The following GPC3 variants were observed in gnomAD, a reference collection of about 807,000 sequenced individuals.
GPC3 encodes the protein glypican-3.
GPC3 carries 3 observed loss-of-function variants against 34.4 expected under a neutral mutation model. The observed-to-expected ratio is 0.09, with a 90% CI of 0.04 to 0.23. The LOEUF is 0.23. Ranked by LOEUF, GPC3 falls within the 10% of genes least tolerant of loss-of-function variation. GPC3 has a pLI of 1.00. For missense variants in GPC3, 351 were observed against 445.6 expected (o/e 0.79, Z 1.91); for synonymous variants, 177 against 174.0 (o/e 1.02, Z -0.13).
chrX:133,979,630 T>C (rs184381024), intron 1 of GPC3, among the ~76,000 whole-genome samples: 10 of 111,842 alleles, frequency 8.9e-5, no homozygotes, highest in Non-Finnish European at 1.9e-4. Context: ...TCTGCTGATA[T>C]ACCCACCTTC....
chrX:133,552,052 A>G (rs1356417235), intron 7 of GPC3, among the ~76,000 whole-genome samples: 1 of 112,907 alleles, frequency 8.9e-6, no homozygotes, highest in Non-Finnish European at 1.9e-5. Flanking sequence ...AAAGATAAAG[A>G]ACTTTCTAAT....
rs187730077 is a variant in GPC3 at position 133,973,168 on chromosome X, G to A, written c.175+12107C>T. On this transcript the variant is annotated intron_variant, in intron 1 of 7. Transcript: ENST00000370818. The stretch of plus-strand genomic sequence containing the variant: ...GTGTCACAGAAGTTGACAGAGTATG[G>A]GAATTTAAGTCAAATACTTTATATC... 6.5e-4 allele frequency among the ~76,000 whole-genome samples: 72 copies of A among 111,605 alleles called. 1 individual carries two copies. The highest frequency in any genetic ancestry group is 2.2e-3 in the African/African-American group (69 of 30,826).
intron 6 of GPC3, among the ~76,000 whole-genome samples, chrX:133,644,542 A>G (rs2070521471): frequency 8.9e-6 from 1 of 111,959 alleles, no homozygotes; most frequent in Admixed American, 9.5e-5. Context: ...TCTGATTTAA[A>G]AAATAATTTT....
At chrX:133,870,467 C>G (rs896996467) in intron 2 of GPC3, among the ~76,000 whole-genome samples, 2 of 111,713 alleles carry the variant, frequency 1.8e-5, no homozygotes, top group African/African-American at 6.5e-5. Context: ...GTTTAACAAG[C>G]CTTTTTATTT....
intron 2 of GPC3, among the ~76,000 whole-genome samples, chrX:133,776,019 C>G (rs73564971): frequency 9.0e-6 from 1 of 111,436 alleles, no homozygotes; most frequent in Non-Finnish European, 1.9e-5. Context: ...AATATCAACA[C>G]GTGAGCACAG....
At chrX:133,803,134 T>C (rs1228896630) in intron 2 of GPC3, among the ~76,000 whole-genome samples, 1 of 110,888 alleles carries the variant, frequency 9.0e-6, no homozygotes, top group East Asian at 2.8e-4. Flanking sequence ...ACCATGTTGG[T>C]CAGGGTGGTC....
At chrX:133,763,185 C>T (rs2071813027) in intron 2 of GPC3, 5 of 668,887 alleles carry the variant, frequency 7.5e-6, no homozygotes. Context: ...CCAGGGCTGA[C>T]CACCAGCCTC....
chrX:133,847,419 C>T (rs557250936), intron 2 of GPC3, among the ~76,000 whole-genome samples: 1 of 112,137 alleles, frequency 8.9e-6, no homozygotes, highest in South Asian at 3.7e-4. Context: ...TTCACATGCT[C>T]TCAATTTCAG....
chrX:133,665,670 T>C (rs1458335491), intron 5 of GPC3, among the ~76,000 whole-genome samples: 1 of 112,310 alleles, frequency 8.9e-6, no homozygotes, highest in Non-Finnish European at 1.9e-5. Flanking sequence ...TCACCAATCA[T>C]CAAATACCAA....
chrX:133,709,473 AATTTC>A (rs1281267570), intron 3 of GPC3, among the ~76,000 whole-genome samples: 10 of 112,019 alleles, frequency 8.9e-5, no homozygotes, highest in Admixed American at 8.6e-4. Flanking sequence ...ACCACTATAC[AATTTC>A]ATTTAATTAA....
At chrX:133,633,569 G>A (rs966896026) in intron 6 of GPC3, among the ~76,000 whole-genome samples, 19 of 111,958 alleles carry the variant, frequency 1.7e-4, no homozygotes, top group Non-Finnish European at 3.0e-4. Context: ...AGAGGATTTG[G>A]AGACCTGGGG....
intron 2 of GPC3, among the ~76,000 whole-genome samples, chrX:133,928,040 T>C (rs2076283030): frequency 9.1e-6 from 1 of 110,174 alleles, no homozygotes; most frequent in Non-Finnish European, 1.9e-5. Context: ...TATTATATAT[T>C]AGATCTTTCG....
At chrX:133,967,204 G>C (rs1287289047) in intron 1 of GPC3, among the ~76,000 whole-genome samples, 2 of 112,211 alleles carry the variant, frequency 1.8e-5, no homozygotes, top group Non-Finnish European at 1.9e-5. Context: ...GAAATATTAG[G>C]TTATGAATGC....
chrX:133,719,043 G>A (rs2124453138), intron 3 of GPC3, among the ~76,000 whole-genome samples: 1 of 110,771 alleles, frequency 9.0e-6, no homozygotes, highest in South Asian at 3.8e-4. Flanking sequence ...CAAACAACTA[G>A]GCAGAATATA....
chrX:133,661,276 AT>A (rs369738052), intron 6 of GPC3, among the ~76,000 whole-genome samples: 1 of 112,236 alleles, frequency 8.9e-6, no homozygotes, highest in African/African-American at 3.2e-5. Flanking sequence ...TCACTTGTGG[AT>A]TTCTAATTAT....
chrX:133,642,416 G>T (rs1020531435), intron 6 of GPC3, among the ~76,000 whole-genome samples: 2 of 111,492 alleles, frequency 1.8e-5, no homozygotes, highest in African/African-American at 6.5e-5. Context: ...GCTATATAGG[G>T]ACAAACTAAA....
intron 2 of GPC3, among the ~76,000 whole-genome samples, chrX:133,809,877 A>C (rs987267468): frequency 8.9e-6 from 1 of 111,860 alleles, no homozygotes; most frequent in Non-Finnish European, 1.9e-5. Flanking sequence ...TTCTAACAAC[A>C]AAGTGTGTTT....
chrX:133,953,362 A>T (rs1218367813), intron 1 of GPC3, 151 bp from the exon 2 acceptor site: 1 of 505,812 alleles, frequency 2.0e-6, no homozygotes, highest in Non-Finnish European at 3.5e-6. Context: ...AATTTTGATT[A>T]TTCAAAATTA....
chrX:133,973,431 C>A (rs1427540033), intron 1 of GPC3, among the ~76,000 whole-genome samples: 1 of 112,473 alleles, frequency 8.9e-6, no homozygotes, highest in Non-Finnish European at 1.9e-5. Context: ...ATATAGTAGG[C>A]ACTCAGTAAA....
Sources: allele counts gnomAD v4.1 joint callset (sites outside exome capture counted in the v4.1 genomes callset), GRCh38; gene constraint gnomAD v4.1.1; transcripts MANE v1.5; gene names NCBI Gene and HGNC (gene_info 2026-07-23, HGNC 2026-07-21).